Variants in LYRM9 observed in about 807,000 individuals in gnomAD.
The protein encoded by LYRM9 is LYR motif containing 9.
LYRM9 carries 14 observed loss-of-function variants against 12.6 expected under a neutral mutation model. That is an observed-to-expected ratio of 1.11 (90% CI 0.73 to 1.73). The LOEUF is 1.73. Ranked by LOEUF, LYRM9 falls within the 40% of genes most tolerant of loss-of-function variation. The probability of loss-of-function intolerance (pLI) is 0.00; values close to 1 mark genes in which losing one functional copy is unlikely to be tolerated. For missense variants in LYRM9, 94 were observed against 95.0 expected, an observed-to-expected ratio of 0.99 and a Z score of 0.04; for synonymous variants, 42 against 35.1, an observed-to-expected ratio of 1.20 and a Z score of -0.69.
chr17:27,891,828 A>C (rs1905462331), intron 1 of LYRM9: 1 of 152,380 alleles, frequency 6.6e-6, no homozygotes, highest in Non-Finnish European at 1.5e-5. Flanking sequence ...AACTGGAGAA[A>C]AGAATAACCC....
intron 3 of LYRM9, 83 bp from the exon 4 acceptor site, chr17:27,879,573 C>G: frequency 6.8e-7 from 1 of 1,468,866 alleles, no homozygotes; most frequent in Non-Finnish European, 9.3e-7. Context: ...CCTCCATCAT[C>G]TGGACCTCAC....
intron 3 of LYRM9, chr17:27,879,905 C>A (rs879627618): frequency 6.8e-6 from 4 of 591,998 alleles, no homozygotes; most frequent in African/African-American, 5.6e-5. Flanking sequence ...GTGAATACCC[C>A]CCAGAGACAG....
At chr17:27,885,218 C>G (rs919606998) in intron 1 of LYRM9, among the ~76,000 whole-genome samples, 2 of 152,210 alleles carry the variant, frequency 1.3e-5, no homozygotes, top group African/African-American at 4.8e-5. Flanking sequence ...GGGCACGTGC[C>G]AAAAGCTAGT....
rs542086796 is a variant in LYRM9 at position 27,887,419 on chromosome 17, G to A, written c.-18-4707C>T. On this transcript the variant is annotated intron_variant, in intron 1 of 3. Transcript: ENST00000379102. Reference sequence around the variant, plus strand: ...ATGTATCAAATTGAAATGTGGACCCGGCAAAAATCATGAGGGTCCTGAAGT... The same window carrying A: ...ATGTATCAAATTGAAATGTGGACCCAGCAAAAATCATGAGGGTCCTGAAGT... Among the ~76,000 whole-genome samples the A allele has an allele frequency of 9.2e-5, 14 of 152,238 alleles. No homozygotes were observed. In the East Asian group the frequency reaches 1.5e-3, roughly 17 times the overall value.
At chr17:27,891,287 A>G (rs767316419) in intron 1 of LYRM9, among the ~76,000 whole-genome samples, 16 of 152,158 alleles carry the variant, frequency 1.1e-4, no homozygotes, top group Non-Finnish European at 1.9e-4. Flanking sequence ...CTGGGATCAG[A>G]CAGTCTGGGT....
chr17:27,880,682 C>T (rs560874538), intron 2 of LYRM9: 108 of 378,506 alleles, frequency 2.9e-4, no homozygotes, highest in Non-Finnish European at 4.7e-4. Context: ...CAGTAGAGTC[C>T]AAGGGGAAAC....
chr17:27,879,432 T>C lies in LYRM9; in HGVS notation c.*41A>G. 1 of 1,546,476 alleles carries C rather than the reference T, an allele frequency of 6.5e-7. No homozygotes were observed. The highest frequency in any genetic ancestry group is 8.7e-7 in the Non-Finnish European group (1 of 1,145,048). On this transcript the variant is annotated 3_prime_UTR_variant, in exon 4 of 4. Coordinates refer to ENST00000379102, the MANE Select transcript of LYRM9 (RefSeq NM_001076680.3). ...GCTGCTGAGCTCCAGAAGAGGGGCC[T>C]CTCAACTTCCAGAGGCCAGGAAGGC...
At chr17:27,884,829 G>A (rs201469231) in intron 1 of LYRM9, among the ~76,000 whole-genome samples, 26 of 144,292 alleles carry the variant, frequency 1.8e-4, no homozygotes, top group South Asian at 2.2e-4. Flanking sequence ...GAACATATAA[G>A]AAAAAAAAAA....
intron 3 of LYRM9, chr17:27,879,758 G>A (rs1567661981): frequency 5.5e-6 from 3 of 544,358 alleles, no homozygotes; most frequent in African/African-American, 3.8e-5. Context: ...GAAGGACAGG[G>A]AGGTATGGTC....
At chr17:27,884,748 G>A (rs1474443191) in intron 1 of LYRM9, among the ~76,000 whole-genome samples, 2 of 151,534 alleles carry the variant, frequency 1.3e-5, no homozygotes, top group African/African-American at 4.9e-5. Context: ...TATCTCCTCT[G>A]TACAGAGATG....
rs1459824507 is a variant in LYRM9 at position 27,880,248 on chromosome 17, G to A, written c.219+26C>T. ...CAGCCATCATCACCCCAGCTCGCAG[G>A]CAGAGCCCAGGGGCCAAGCACCTAC... is the stretch of plus-strand genomic sequence containing the variant. On this transcript the variant is annotated intron_variant, in intron 3 of 3. Coordinates refer to ENST00000379102, the MANE Select transcript of LYRM9 (RefSeq NM_001076680.3). 2.6e-6 allele frequency: 4 copies of A among 1,562,262 alleles called. No individual in the cohort carries two copies. The South Asian group carries it at 3.5e-5, about 14-fold the overall frequency.
Position 27,886,925 on chromosome 17 carries a change from C to T in LYRM9, c.-18-4213G>A, listed in dbSNP as rs570510481. Among the ~76,000 whole-genome samples, 1 of 151,464 alleles carries T rather than the reference C, an allele frequency of 6.6e-6. No individual in the cohort carries two copies. The highest frequency in any genetic ancestry group is 1.5e-5 in the Non-Finnish European group (1 of 67,844). The stretch of plus-strand genomic sequence containing the variant: ...CCTCCCAAAGTGCTAGGATTACAGG[C>T]GTGAGCCACCACACCCGGCCCCATG... On this transcript the variant is annotated intron_variant, in intron 1 of 3. Transcript: ENST00000379102. This position sits in a 1 kb window ranked among gnomAD's most constrained non-coding sequence, Gnocchi z 4.8.
chr17:27,881,662 C>T (rs889876392), intron 2 of LYRM9, among the ~76,000 whole-genome samples: 5 of 152,158 alleles, frequency 3.3e-5, no homozygotes, highest in African/African-American at 1.2e-4. Context: ...GACACGCTAT[C>T]CTTACCCCTA....
intron 1 of LYRM9, among the ~76,000 whole-genome samples, chr17:27,890,713 T>C (rs1330863572): frequency 6.6e-6 from 1 of 152,168 alleles, no homozygotes; most frequent in African/African-American, 2.4e-5. Context: ...AGAATGGAAC[T>C]GCAGAAAATA....
At chr17:27,890,179 T>G (rs1905384290) in intron 1 of LYRM9, among the ~76,000 whole-genome samples, 1 of 152,182 alleles carries the variant, frequency 6.6e-6, no homozygotes, top group African/African-American at 2.4e-5. Context: ...CTACCTGCTA[T>G]GTCTGAGCCA....
rs1294308504 is a variant in LYRM9, at chr17:27,886,884, G to A, written c.-18-4172C>T. 6.6e-6 allele frequency among the ~76,000 whole-genome samples: 1 copy of A among 151,032 alleles called. No individual in the cohort carries two copies. Among genetic ancestry groups the A allele is most frequent in the Non-Finnish European group, 1.5e-5 (1 of 67,844 alleles). On this transcript the variant is annotated intron_variant, in intron 1 of 3. Coordinates refer to ENST00000379102, the MANE Select transcript of LYRM9 (RefSeq NM_001076680.3). The surrounding 1 kb of genome is among the most constrained non-coding windows in gnomAD (Gnocchi z 4.8). ...TGGTCTCAAACTCCCGACCTCAGGT[G>A]ATCCACCCACCTTGGCCTCCCAAAG...
chr17:27,885,610 T>C (rs1230819483), intron 1 of LYRM9, among the ~76,000 whole-genome samples: 1 of 147,416 alleles, frequency 6.8e-6, no homozygotes, highest in Non-Finnish European at 1.5e-5. Context: ...CTCAAGAGGC[T>C]GTGATGGGAG....
At chr17:27,891,506 A>T (rs960402245) in intron 1 of LYRM9, among the ~76,000 whole-genome samples, 1 of 152,162 alleles carries the variant, frequency 6.6e-6, no homozygotes, top group African/African-American at 2.4e-5. Context: ...GTTATTGTTA[A>T]TACCATCTCT....
At chr17:27,893,249 C>T (rs1905519479) in intron 1 of LYRM9, 68 bp downstream of exon 1, 1 of 153,058 alleles carries the variant, frequency 6.5e-6, no homozygotes, top group East Asian at 1.9e-4. Flanking sequence ...CCCCCGCCAC[C>T]CAGTGGCTCC....
Sources: allele counts gnomAD v4.1 joint callset (sites outside exome capture counted in the v4.1 genomes callset), GRCh38; gene constraint gnomAD v4.1.1; non-coding constraint Gnocchi (gnomAD v3.1); transcripts MANE v1.5; gene names NCBI Gene and HGNC (gene_info 2026-07-23, HGNC 2026-07-21).